Variants in ZNF316 observed in about 807,000 individuals in gnomAD.
ZNF316 encodes zinc finger protein 316.
Under a neutral mutation model 75.6 loss-of-function variants are expected in ZNF316, and 23 were observed. The ratio of observed to expected loss-of-function variants is 0.30; its 90% CI spans 0.22 to 0.43. ZNF316 has a LOEUF of 0.43. Among genes scored for constraint, ZNF316 ranks in the 20% least tolerant of loss-of-function variants. The pLI is 1.00. For synonymous variants in ZNF316, 827 were observed against 666.2 expected, an observed-to-expected ratio of 1.24 and a Z score of -3.72; for missense variants, 1,266 against 1,409.4, an observed-to-expected ratio of 0.90 and a Z score of 1.63.
intron 2 of ZNF316, among the ~76,000 whole-genome samples, 168 bp from the exon 3 acceptor site, chr7:6,638,874 G>T (rs1160365873): frequency 1.3e-5 from 2 of 152,190 alleles, no homozygotes; most frequent in Non-Finnish European, 2.9e-5. Context: ...TGGACTGGCA[G>T]GCTGGCAAGA....
chr7:6,652,854 C>A lies in ZNF316; in HGVS notation c.1258C>A (p.Arg420=), dbSNP rs921895406. 22 of 1,247,838 alleles carry A rather than the reference C, an allele frequency of 1.8e-5. No homozygotes were observed. Among genetic ancestry groups the A allele is most frequent in the African/African-American group, 6.2e-5 (4 of 64,594 alleles). The allele number at this position is 1,247,838 out of a possible 1,614,324, so 77.3% of individuals were successfully genotyped here. The change falls in exon 9 of 9, where the codon CGA becomes AGA. Residue 420 remains arginine (R), a synonymous_variant. Coordinates refer to ENST00000382252, the MANE Select transcript of ZNF316 (RefSeq NM_001278559.2). The stretch of plus-strand genomic sequence containing the variant: ...CTACAAGTCGCACCTGGTTACGCAC[C>A]GACGCATCCATACTGGCGAGCGGCC... ...FVYKSHLVTH[R]RIHTGERPYR...
chr7:6,653,234 C>G lies in ZNF316; in HGVS notation c.1638C>G (p.Asp546Glu). Residue 546 changes from aspartate to glutamate, a missense_variant, in exon 9 of 9, where the codon GAC becomes GAG. Asp to Glu is a conservative substitution (Grantham distance 45). This residue lies in a region of ZNF316 where 961 missense variants were observed against 990.9 expected (regional missense o/e 0.97). Transcript: ENST00000382252. ...GPEGSEVGEA[D>E]GEAEAAAEER... ...AGGGATCTGAAGTTGGCGAGGCGGA[C>G]GGAGAGGCGGAGGCCGCGGCCGAGG... The G allele has an allele frequency of 8.2e-7, 1 of 1,225,448 alleles. No individual in the cohort carries two copies. Among genetic ancestry groups the G allele is most frequent in the Non-Finnish European group, 1.0e-6 (1 of 984,284 alleles). The allele number at this position is 1,225,448 out of a possible 1,614,324, so 75.9% of individuals were successfully genotyped here.
chr7:6,644,701 C>T, intron 8 of ZNF316, 108 bp downstream of exon 8: 2 of 533,154 alleles, frequency 3.8e-6, no homozygotes, highest in Non-Finnish European at 5.7e-6. Context: ...GTGCCTCTGA[C>T]TGCGCCTCTG....
rs565743787 is a variant in ZNF316 at position 6,649,937 on chromosome 7, C to T, written c.707-2366C>T. Among the ~76,000 whole-genome samples, 8 of 152,342 alleles carry T rather than the reference C, an allele frequency of 5.3e-5. No individual in the cohort carries two copies. In the South Asian group the frequency reaches 1.7e-3, roughly 32 times the overall value. On this transcript the variant is annotated intron_variant, in intron 8 of 8. Coordinates refer to ENST00000382252, the MANE Select transcript of ZNF316 (RefSeq NM_001278559.2). ...GGGAGAGGTGATGGGAGGAGCCTCC[C>T]AGCTCTGGGCAGCTGAGACTTCTGT... is the stretch of plus-strand genomic sequence containing the variant.
intron 6 of ZNF316, among the ~76,000 whole-genome samples, chr7:6,643,314 C>G (rs1413885748): frequency 6.6e-6 from 1 of 152,210 alleles, no homozygotes; most frequent in Non-Finnish European, 1.5e-5. Context: ...CTGCCACCCA[C>G]TCAACCGCAC....
Position 6,653,481 on chromosome 7 carries a change from G to C in ZNF316, c.1885G>C (p.Gly629Arg), listed in dbSNP as rs1002781065. Residue 629 changes from glycine (G) to arginine (R), a missense_variant, in exon 9 of 9, where the codon GGG becomes CGG. Coordinates refer to ENST00000382252, the MANE Select transcript of ZNF316 (RefSeq NM_001278559.2). The stretch of plus-strand genomic sequence containing the variant: ...CTTCCGAGAGCGGCTGCCGGTCGAC[G>C]GGCGCCCGCTCCCGGCGCCCCTGGG... ...PDFRERLPVDGRPLPAPLGGP... is the reference protein window; with the variant it reads ...PDFRERLPVDRRPLPAPLGGP... 99 of 1,225,636 alleles carry C rather than the reference G, an allele frequency of 8.1e-5. No homozygotes were observed. The highest frequency in any genetic ancestry group is 9.6e-5 in the Non-Finnish European group (95 of 984,464). The allele number at this position is 1,225,636 out of a possible 1,614,324, so 75.9% of individuals were successfully genotyped here.
At chr7:6,638,998 C>G (rs539983220) in intron 2 of ZNF316, 44 bp from the exon 3 acceptor site, 3 of 152,310 alleles carry the variant, frequency 2.0e-5, no homozygotes, top group African/African-American at 7.2e-5. Context: ...TGTTCTGAAT[C>G]TTGGGTTGGG....
intron 8 of ZNF316, 90 bp downstream of exon 8, chr7:6,644,683 G>A (rs1027090486): frequency 3.1e-6 from 2 of 645,772 alleles, no homozygotes; most frequent in South Asian, 8.1e-5. Context: ...CTGCAGACCT[G>A]GTACCTGGTG....
intron 2 of ZNF316, among the ~76,000 whole-genome samples, chr7:6,638,342 G>C (rs1017759224): frequency 2.0e-5 from 3 of 152,156 alleles, no homozygotes; most frequent in Non-Finnish European, 4.4e-5. Context: ...GAGGACTGTG[G>C]TGGTCGGGGA....
At chr7:6,646,055 A>G (rs910967942) in intron 8 of ZNF316, among the ~76,000 whole-genome samples, 7 of 151,106 alleles carry the variant, frequency 4.6e-5, no homozygotes, top group South Asian at 2.1e-4. Context: ...TGAGAACAGC[A>G]TGGGGGGAAA....
chr7:6,643,423 C>T (rs1779345923), intron 6 of ZNF316, among the ~76,000 whole-genome samples: 1 of 152,258 alleles, frequency 6.6e-6, no homozygotes, highest in South Asian at 2.1e-4. Context: ...TCCTGCTGCC[C>T]AGTCAGGTCA....
intron 8 of ZNF316, among the ~76,000 whole-genome samples, chr7:6,644,837 G>A (rs1339674785): frequency 6.6e-6 from 1 of 152,238 alleles, no homozygotes; most frequent in African/African-American, 2.4e-5. Flanking sequence ...GTTGGAGCCT[G>A]TGAATTTCTT....
rs1013098012 is a variant in ZNF316, at chr7:6,640,320, C to T, written c.-167+1179C>T. ...CTGGCGCATGGTTCTGCAGGCTGTA[C>T]AGGAAGCATGGTGCTGGCATCTGCC... On this transcript the variant is annotated intron_variant, in intron 3 of 8. Transcript: ENST00000382252. This position sits in a 1 kb window ranked among gnomAD's most constrained non-coding sequence, Gnocchi z 5.1. Among the ~76,000 whole-genome samples, 5 of 152,244 alleles carry T rather than the reference C, an allele frequency of 3.3e-5. No individual in the cohort carries two copies. The highest frequency in any genetic ancestry group is 5.9e-5 in the Non-Finnish European group (4 of 68,020).
rs1372502480 is a variant in ZNF316, at chr7:6,642,942, C to T, written c.356-22C>T. Reference sequence around the variant, plus strand: ...AGGCTGGGGGCTCAGGGCAGCTGGCCCTAAGAGATCTCTCCCCACAGGCCT... The same window carrying T: ...AGGCTGGGGGCTCAGGGCAGCTGGCTCTAAGAGATCTCTCCCCACAGGCCT... On this transcript the variant is annotated intron_variant, in intron 5 of 8. Transcript: ENST00000382252. This position sits in a 1 kb window ranked among gnomAD's most constrained non-coding sequence, Gnocchi z 8.1. 2.4e-6 allele frequency: 3 copies of T among 1,232,074 alleles called. No individual in the cohort carries two copies. The highest frequency in any genetic ancestry group is 3.0e-6 in the Non-Finnish European group (3 of 988,158). 76.3% of individuals were successfully genotyped at this position (1,232,074 alleles called of 1,614,324 possible).
Position 6,653,384 on chromosome 7 carries a change from G to C in ZNF316, c.1788G>C (p.Leu596=), listed in dbSNP as rs1779551524. ...GCGAAGGCCCCTCCTCCCACCCGCT[G>C]GGCTTCCACTTCCCCGTGCACCCCA... ...GEGEGPSSHP[L]GFHFPVHPKS... Residue 596 remains leucine (L), a synonymous_variant, in exon 9 of 9, where the codon CTG becomes CTC. Transcript: ENST00000382252. The C allele has an allele frequency of 8.2e-7, 1 of 1,226,690 alleles. No homozygotes were observed. Among genetic ancestry groups the C allele is most frequent in the Admixed American group, 4.3e-5 (1 of 23,454 alleles). The allele number at this position is 1,226,690 out of a possible 1,614,324, so 76.0% of individuals were successfully genotyped here. A position where few individuals can be genotyped will look rare whatever the true frequency, so the allele number is the denominator to read the frequency against.
At position 6,642,927 on chromosome 7, in the gene ZNF316, C is replaced by A. The variant is rs936715319; in HGVS notation, c.356-37C>A. 7 of 1,232,264 alleles carry A rather than the reference C, an allele frequency of 5.7e-6. No homozygotes were observed. The highest frequency in any genetic ancestry group is 7.1e-6 in the Non-Finnish European group (7 of 988,176). 76.3% of individuals were successfully genotyped at this position (1,232,264 alleles called of 1,614,324 possible). A position where few individuals can be genotyped will look rare whatever the true frequency, so the allele number is the denominator to read the frequency against. Reference sequence around the variant, plus strand: ...GGCTCCTGGCCCTGCAGGCTGGGGGCTCAGGGCAGCTGGCCCTAAGAGATC... The same window carrying A: ...GGCTCCTGGCCCTGCAGGCTGGGGGATCAGGGCAGCTGGCCCTAAGAGATC... On this transcript the variant is annotated intron_variant, in intron 5 of 8. Coordinates refer to ENST00000382252, the MANE Select transcript of ZNF316 (RefSeq NM_001278559.2). This position sits in a 1 kb window ranked among gnomAD's most constrained non-coding sequence, Gnocchi z 8.1.
Position 6,654,553 on chromosome 7 carries a change from C to T in ZNF316, c.2957C>T (p.Ser986Phe). 8.4e-7 allele frequency: 1 copy of T among 1,186,450 alleles called. No individual in the cohort carries two copies. The highest frequency in any genetic ancestry group is 1.0e-6 in the Non-Finnish European group (1 of 958,856). The allele number at this position is 1,186,450 out of a possible 1,614,324, so 73.5% of individuals were successfully genotyped here. ...LEFAGGTSFG[S>F]EHQAAFAGPS... ...TTCGCGGGCGGCACAAGCTTCGGCT[C>T]CGAGCACCAGGCCGCGTTCGCCGGG... Residue 986 changes from serine to phenylalanine, a missense_variant, in exon 9 of 9, where the codon TCC becomes TTC. Transcript: ENST00000382252.
At chr7:6,646,007 A>AAT (rs1779396088) in intron 8 of ZNF316, among the ~76,000 whole-genome samples, 1 of 151,636 alleles carries the variant, frequency 6.6e-6, no homozygotes, top group Non-Finnish European at 1.5e-5. Context: ...AAAAAAAAAA[A>AAT]AAAAAAATCA....
chr7:6,654,657 C>A lies in ZNF316; in HGVS notation c.*46C>A. 8.6e-7 allele frequency: 1 copy of A among 1,162,830 alleles called. No individual in the cohort carries two copies. Among genetic ancestry groups the A allele is most frequent in the South Asian group, 4.2e-5 (1 of 23,608 alleles). The allele number at this position is 1,162,830 out of a possible 1,614,324, so 72.0% of individuals were successfully genotyped here. A position where few individuals can be genotyped will look rare whatever the true frequency, so the allele number is the denominator to read the frequency against. On this transcript the variant is annotated 3_prime_UTR_variant, in exon 9 of 9. Transcript: ENST00000382252. The stretch of plus-strand genomic sequence containing the variant: ...GCGCAGCCTGCAGGGCCACCGGCCC[C>A]TCCCTTGGACGGCCGGCCCCCCGCT...
Sources: gnomAD v4.1 joint callset for allele counts (sites outside exome capture counted in the v4.1 genomes callset) on GRCh38, gnomAD v4.1.1 for gene constraint, gnomAD v4.1.1 regional missense constraint, Gnocchi (gnomAD v3.1) non-coding constraint, MANE v1.5 for transcripts, NCBI Gene and HGNC (gene_info 2026-07-23, HGNC 2026-07-21) for gene names.